The following SLC48A1 variants were observed in gnomAD, a reference collection of about 807,000 sequenced individuals.
SLC48A1 encodes the protein solute carrier family 48 member 1, also known as heme transporter HRG1.
A neutral mutation model predicts 14.8 loss-of-function variants in SLC48A1; 6 were observed. That is an observed-to-expected ratio of 0.41 (90% confidence interval 0.22 to 0.80). The LOEUF (loss-of-function observed/expected upper bound fraction) is 0.80, where lower values mean the gene tolerates loss of function less well. Among genes scored for constraint, SLC48A1 ranks in the 30% least tolerant of loss-of-function variants. SLC48A1 has a pLI of 0.34. For missense variants in SLC48A1, 165 were observed against 204.8 expected (o/e 0.81, Z 1.19); for synonymous variants, 89 against 90.0 (o/e 0.99, Z 0.06).
intron 2 of SLC48A1, among the ~76,000 whole-genome samples, chr12:47,763,197 C>T (rs1266925024): frequency 6.6e-6 from 1 of 152,166 alleles, no homozygotes; most frequent in Non-Finnish European, 1.5e-5. Flanking sequence ...GCCATCTCTC[C>T]CTCCTTCCTG....
chr12:47,775,092 C>T lies in SLC48A1; in HGVS notation c.136+1652C>T, dbSNP rs113206597. 6.9e-3 allele frequency among the ~76,000 whole-genome samples: 1,043 copies of T among 152,260 alleles called. 9 individuals carry two copies. Among genetic ancestry groups the T allele is most frequent in the Non-Finnish European group, 0.011 (726 of 68,012 alleles). ...ACCCTACCTGGCCGTTTGACCCTAT[C>T]CTGGGCCACAGTTTCCTCATCTATT... On this transcript the variant is annotated intron_variant, in intron 1 of 2. Transcript: ENST00000442218.
chr12:47,760,576 G>A (rs1942347183), intron 2 of SLC48A1, among the ~76,000 whole-genome samples: 1 of 151,156 alleles, frequency 6.6e-6, no homozygotes, highest in Non-Finnish European at 1.5e-5. Flanking sequence ...AAGATGCTGG[G>A]GAGTGAGGCA....
chr12:47,774,817 C>G lies in SLC48A1; in HGVS notation c.136+1377C>G, dbSNP rs76235503. On this transcript the variant is annotated intron_variant, in intron 1 of 2. Coordinates refer to ENST00000442218, the MANE Select transcript of SLC48A1 (RefSeq NM_017842.3). ...GATCCTGAGGACAACTGGCCCATCT[C>G]TGCGCGTTATCTACAGAGCCCTAGT... Among the ~76,000 whole-genome samples the G allele has an allele frequency of 2.8e-3, 429 of 152,328 alleles. 2 individuals are homozygous for G. Among genetic ancestry groups the G allele is most frequent in the African/African-American group, 1.0e-2 (415 of 41,562 alleles).
chr12:47,776,889 AC>A (rs2136867577), intron 1 of SLC48A1, among the ~76,000 whole-genome samples: 2 of 152,104 alleles, frequency 1.3e-5, no homozygotes, highest in East Asian at 3.9e-4. Flanking sequence ...AATTGTTCTG[AC>A]CTTATTTTTC....
At position 47,773,730 on chromosome 12, in the gene SLC48A1, T is replaced by C. The variant is rs1942678343; in HGVS notation, c.136+290T>C. Among the ~76,000 whole-genome samples, 3 of 152,142 alleles carry C rather than the reference T, an allele frequency of 2.0e-5. No individual in the cohort carries two copies. In the South Asian group the frequency reaches 6.2e-4, roughly 31 times the overall value. ...GCCCGGGTTATCTGTCACGGCACAC[T>C]GCCTGTCGCCCTCCGCCCAGTTGCC... On this transcript the variant is annotated intron_variant, in intron 1 of 2. Coordinates refer to ENST00000442218, the MANE Select transcript of SLC48A1 (RefSeq NM_017842.3).
chr12:47,755,900 G>A (rs921353381), upstream of SLC48A1: 2 of 152,180 alleles, frequency 1.3e-5, no homozygotes. Flanking sequence ...TGGGCTAAAG[G>A]CATCATCAAG....
upstream of SLC48A1, among the ~76,000 whole-genome samples, chr12:47,771,890 G>A (rs1565779406): frequency 1.3e-5 from 2 of 150,922 alleles, no homozygotes; most frequent in Non-Finnish European, 2.9e-5. Flanking sequence ...CTGAGATCAC[G>A]CCACTGCACT....
At chr12:47,774,974 C>T (rs1222370501) in intron 1 of SLC48A1, among the ~76,000 whole-genome samples, 2 of 152,166 alleles carry the variant, frequency 1.3e-5, no homozygotes, top group African/African-American at 2.4e-5. Flanking sequence ...GATTGCATTG[C>T]GAAGACCGAA....
intron 2 of SLC48A1, among the ~76,000 whole-genome samples, chr12:47,760,598 T>TACCTGTAG (rs25587): frequency 0.13 from 20,110 of 152,182 alleles, 1,417 homozygotes; most frequent in Non-Finnish European, 0.16. Context: ...GACACTTGTA[T>TACCTGTAG]ACATTTCAGC....
In SLC48A1 at chr12:47,781,133, G is replaced by C; in HGVS notation, c.*852G>C. On this transcript the variant is annotated 3_prime_UTR_variant, in exon 3 of 3. Transcript: ENST00000442218. Reference sequence around the variant, plus strand: ...GAGCTGGTCTCCCATGAGTGTGCTAGAGCCAGATAGCCGTGGCCCCCCACC... The same window carrying C: ...GAGCTGGTCTCCCATGAGTGTGCTACAGCCAGATAGCCGTGGCCCCCCACC... 3.1e-6 allele frequency: 1 copy of C among 326,390 alleles called. No individual in the cohort carries two copies. Among genetic ancestry groups the C allele is most frequent in the South Asian group, 2.3e-5 (1 of 43,560 alleles). 20.2% of individuals were successfully genotyped at this position (326,390 alleles called of 1,614,324 possible).
At chr12:47,758,274 G>A, upstream of SLC48A1, 10 of 1,431,090 alleles carry the variant, frequency 7.0e-6, no homozygotes, top group Non-Finnish European at 8.2e-6. Context: ...GCACTTAGGG[G>A]TCTCCAGCTG....
At chr12:47,771,820 C>A (rs187988363), upstream of SLC48A1, among the ~76,000 whole-genome samples, 391 of 152,164 alleles carry the variant, frequency 2.6e-3, 2 homozygotes, top group African/African-American at 9.1e-3. Flanking sequence ...GTAATCCCAA[C>A]TTCTCGGGAG....
At position 47,780,921 on chromosome 12, in the gene SLC48A1, A is replaced by G. The variant is rs750480627; in HGVS notation, c.*640A>G. On this transcript the variant is annotated 3_prime_UTR_variant, in exon 3 of 3. Coordinates refer to ENST00000442218, the MANE Select transcript of SLC48A1 (RefSeq NM_017842.3). Reference sequence around the variant, plus strand: ...AATCTTTGTACTTAAGGCCAGGGCAACAAAGTCAAGAGGTCAAGGTGTAGG... The same window carrying G: ...AATCTTTGTACTTAAGGCCAGGGCAGCAAAGTCAAGAGGTCAAGGTGTAGG... 1.9e-6 allele frequency: 1 copy of G among 533,642 alleles called. No homozygotes were observed. The highest frequency in any genetic ancestry group is 3.8e-6 in the Non-Finnish European group (1 of 260,068). The allele number at this position is 533,642 out of a possible 1,614,324, so 33.1% of individuals were successfully genotyped here.
intron 1 of SLC48A1, chr12:47,759,237 G>A: frequency 4.9e-6 from 2 of 411,630 alleles, no homozygotes; most frequent in Non-Finnish European, 6.5e-6. Flanking sequence ...GAGTCACTGC[G>A]GCCTCACCCG....
rs934087482 is a variant in SLC48A1 at position 47,777,260 on chromosome 12, G to C, written c.137-1768G>C. 6.6e-6 allele frequency among the ~76,000 whole-genome samples: 1 copy of C among 152,202 alleles called. No homozygotes were observed. Among genetic ancestry groups the C allele is most frequent in the African/African-American group, 2.4e-5 (1 of 41,452 alleles). ...ACTAGGTGGGGAGGAACAGATGCTT[G>C]TCCTGGCCCACCCTGATCTCAGTAG... On this transcript the variant is annotated intron_variant, in intron 1 of 2. Transcript: ENST00000442218. This position sits in a 1 kb window ranked among gnomAD's most constrained non-coding sequence, Gnocchi z 4.5.
At position 47,781,197 on chromosome 12, in the gene SLC48A1, A is replaced by C. The variant is rs992185207; in HGVS notation, c.*916A>C. On this transcript the variant is annotated 3_prime_UTR_variant, in exon 3 of 3. Coordinates refer to ENST00000442218, the MANE Select transcript of SLC48A1 (RefSeq NM_017842.3). Reference sequence around the variant, plus strand: ...CACACAGGCATCCATACACCCCAGAAGACTTCCCAAATGAGGCCAGACTCA... The same window carrying C: ...CACACAGGCATCCATACACCCCAGACGACTTCCCAAATGAGGCCAGACTCA... 28 of 258,738 alleles carry C rather than the reference A, an allele frequency of 1.1e-4. No individual in the cohort carries two copies. Among genetic ancestry groups the C allele is most frequent in the Non-Finnish European group, 1.8e-4 (24 of 130,036 alleles). 16.0% of individuals were successfully genotyped at this position (258,738 alleles called of 1,614,324 possible). A position where few individuals can be genotyped will look rare whatever the true frequency, so the allele number is the denominator to read the frequency against.
At chr12:47,769,201 G>A (rs1039318005), upstream of SLC48A1, 1 of 152,266 alleles carries the variant, frequency 6.6e-6, no homozygotes, top group Admixed American at 6.5e-5. Flanking sequence ...GGGAAGTGTA[G>A]TTCAAATTTG....
chr12:47,758,887 G>T, intron 1 of SLC48A1: 4 of 1,124,478 alleles, frequency 3.6e-6, no homozygotes, highest in African/African-American at 1.6e-5. Context: ...CGCTGGCACC[G>T]GTCCGGGCGG....
intron 2 of SLC48A1, among the ~76,000 whole-genome samples, chr12:47,763,740 T>C (rs994963626): frequency 6.6e-6 from 1 of 152,142 alleles, no homozygotes; most frequent in South Asian, 2.1e-4. Flanking sequence ...GAGCCACTTA[T>C]GACAGTGATG....
Sources: gnomAD v4.1 joint callset for allele counts (sites outside exome capture counted in the v4.1 genomes callset) on GRCh38, gnomAD v4.1.1 for gene constraint, Gnocchi (gnomAD v3.1) non-coding constraint, MANE v1.5 for transcripts, NCBI Gene and HGNC (gene_info 2026-07-23, HGNC 2026-07-21) for gene names.